UNC79: variants seen among roughly 807,000 people sequenced by gnomAD.
The protein encoded by UNC79 is protein unc-79 homolog.
In UNC79, 37 loss-of-function variants were observed where a neutral mutation model predicts 283.1. The observed-to-expected ratio is 0.13, with a 90% confidence interval of 0.10 to 0.17. UNC79 has a LOEUF of 0.17. UNC79 is among the 10% of genes least tolerant of loss of function. The pLI is 1.00. For missense variants in UNC79, 2,272 were observed against 3,211.1 expected, an observed-to-expected ratio of 0.71 and a Z score of 7.07; for synonymous variants, 1,107 against 1,200.2, an observed-to-expected ratio of 0.92 and a Z score of 1.61.
intron 1 of UNC79, among the ~76,000 whole-genome samples, chr14:93,399,942 C>A (rs1503959): frequency 0.71 from 107,626 of 152,034 alleles, 38,575 homozygotes; most frequent in Middle Eastern, 0.78. Context: ...GACCCATGAC[C>A]GCCTGAGATA....
At chr14:93,558,047 A>T (rs2402311) in intron 14 of UNC79, among the ~76,000 whole-genome samples, 151,988 of 152,276 alleles carry the variant, frequency 1, 75,853 homozygotes, top group Middle Eastern at 1. Context: ...GAGGGAAACT[A>T]CATTTGGTTT....
At chr14:93,356,333 TA>T (rs1458513071) in intron 1 of UNC79, among the ~76,000 whole-genome samples, 1 of 152,214 alleles carries the variant, frequency 6.6e-6, no homozygotes, top group African/African-American at 2.4e-5. Context: ...CAGCCACTTC[TA>T]TTTCACTCTT....
At chr14:93,576,031 A>G (rs1204358159) in intron 17 of UNC79, among the ~76,000 whole-genome samples, 2 of 152,234 alleles carry the variant, frequency 1.3e-5, no homozygotes, top group Non-Finnish European at 2.9e-5. Flanking sequence ...GCTGCTAACC[A>G]TCTGTACTTT....
At chr14:93,513,189 C>G (rs1434075875) in intron 7 of UNC79, among the ~76,000 whole-genome samples, 2 of 126,286 alleles carry the variant, frequency 1.6e-5, no homozygotes, top group Non-Finnish European at 3.3e-5. Context: ...CTCCCTCCCT[C>G]CCTTCCTTCC....
At chr14:93,637,251 C>T in exon 32 of UNC79, 1 of 1,552,988 alleles carries the variant, frequency 6.4e-7, no homozygotes, top group Non-Finnish European at 8.9e-7. Flanking sequence ...GTGTAACGTG[C>T]CAACGTGCCT....
chr14:93,558,414 G>C (rs963163924), intron 14 of UNC79, among the ~76,000 whole-genome samples: 2 of 151,970 alleles, frequency 1.3e-5, no homozygotes, highest in African/African-American at 4.8e-5. Context: ...AAATTAGCCC[G>C]GTGCGGTGGC....
At chr14:93,444,741 T>G (rs577789659) in intron 1 of UNC79, among the ~76,000 whole-genome samples, 2,055 of 152,298 alleles carry the variant, frequency 0.013, 55 homozygotes, top group African/African-American at 0.047. Context: ...CTGGACTCTA[T>G]TTTGTTTCTT....
At chr14:93,622,601 G>T in exon 30 of UNC79, 1 of 1,614,162 alleles carries the variant, frequency 6.2e-7, no homozygotes, top group Non-Finnish European at 8.5e-7. Flanking sequence ...CCTCCTCAAA[G>T]TTCCCGAAGA....
chr14:93,378,464 C>T (rs1343414131), intron 1 of UNC79, among the ~76,000 whole-genome samples: 2 of 151,988 alleles, frequency 1.3e-5, no homozygotes, highest in Non-Finnish European at 2.9e-5. Context: ...ATGCTTAGGA[C>T]CAGAAGTGTT....
In UNC79 at chr14:93,478,335, T is replaced by C. The variant is rs2057922077; in HGVS notation, c.619+607T>C. Among the ~76,000 whole-genome samples the C allele has an allele frequency of 2.0e-5, 3 of 152,256 alleles. No individual in the cohort carries two copies. The South Asian group carries it at 6.2e-4, about 31-fold the overall frequency. On this transcript the variant is annotated intron_variant, in intron 4 of 48. Transcript: ENST00000555664. ...ATAAACATAAAACTGATTTGAATCC[T>C]GTTTCATTTCTGTAGACTTAATCTT...
intron 1 of UNC79, among the ~76,000 whole-genome samples, chr14:93,422,592 G>C (rs1401741598): frequency 6.6e-6 from 1 of 152,150 alleles, no homozygotes; most frequent in Non-Finnish European, 1.5e-5. Flanking sequence ...GGTTCATTCA[G>C]ATGGTTGGGG....
At chr14:93,333,975 A>G (rs2053517870) in intron 1 of UNC79, among the ~76,000 whole-genome samples, 1 of 108,480 alleles carries the variant, frequency 9.2e-6, no homozygotes, top group Admixed American at 9.6e-5. Context: ...TCTGATAGAC[A>G]TTAGCAACTC....
At chr14:93,618,510 C>T (rs1194050038) in intron 29 of UNC79, among the ~76,000 whole-genome samples, 156 bp downstream of exon 30, 1 of 152,072 alleles carries the variant, frequency 6.6e-6, no homozygotes, top group African/African-American at 2.4e-5. Flanking sequence ...AATGTTGCTG[C>T]TTTAACTTTG....
intron 11 of UNC79, among the ~76,000 whole-genome samples, 198 bp from the exon 12 acceptor site, chr14:93,537,791 A>G (rs1464942120): frequency 6.6e-6 from 1 of 152,234 alleles, no homozygotes; most frequent in Non-Finnish European, 1.5e-5. Flanking sequence ...ACTCACAGGA[A>G]TAGAAAACAC....
At chr14:93,546,147 A>G (rs778256186) in intron 14 of UNC79, among the ~76,000 whole-genome samples, 12 of 152,236 alleles carry the variant, frequency 7.9e-5, no homozygotes, top group Non-Finnish European at 1.5e-4. Flanking sequence ...GAAGCTGCAT[A>G]TCTTGTGACC....
chr14:93,336,345 A>G (rs1437487474), intron 1 of UNC79, among the ~76,000 whole-genome samples: 2 of 149,050 alleles, frequency 1.3e-5, no homozygotes, highest in Non-Finnish European at 3.0e-5. Flanking sequence ...TCAATTTTCA[A>G]TTTTTTTTTT....
intron 34 of UNC79, 94 bp downstream of exon 37, chr14:93,643,791 G>C (rs575425379): frequency 5.2e-6 from 8 of 1,529,238 alleles, no homozygotes; most frequent in Non-Finnish European, 7.0e-6. Context: ...GAAACATTCA[G>C]CCACCTTGTA....
chr14:93,343,518 G>T (rs2053758213), intron 1 of UNC79, among the ~76,000 whole-genome samples: 1 of 152,124 alleles, frequency 6.6e-6, no homozygotes, highest in Admixed American at 6.5e-5. Flanking sequence ...GAAACACTTT[G>T]TTCCTCAAAG....
At position 93,474,515 on chromosome 14, in the gene UNC79, C is replaced by A; in HGVS notation, c.448+122C>A. On this transcript the variant is annotated intron_variant, in intron 3 of 48. Transcript: ENST00000555664. The surrounding 1 kb of genome is among the most constrained non-coding windows in gnomAD (Gnocchi z 4.1). The stretch of plus-strand genomic sequence containing the variant: ...AATCACCTGAAAGGGCTTTGTGTGG[C>A]TAGAAGCACTACACTGAAACTTCAT... 1 of 1,111,138 alleles carries A rather than the reference C, an allele frequency of 9.0e-7. No individual in the cohort carries two copies. The highest frequency in any genetic ancestry group is 1.2e-6 in the Non-Finnish European group (1 of 800,986). 68.8% of individuals were successfully genotyped at this position (1,111,138 alleles called of 1,614,324 possible).
Sources: gnomAD v4.1 joint callset for allele counts (sites outside exome capture counted in the v4.1 genomes callset) on GRCh38, gnomAD v4.1.1 for gene constraint, Gnocchi (gnomAD v3.1) non-coding constraint, MANE v1.5 for transcripts, NCBI Gene and HGNC (gene_info 2026-07-23, HGNC 2026-07-21) for gene names.